The following NRXN3 variants were observed in gnomAD, a reference collection of about 807,000 sequenced individuals.
NRXN3 encodes neurexin 3.
A neutral mutation model predicts 137.6 loss-of-function variants in NRXN3; 32 were observed. That is an observed-to-expected ratio of 0.23 (90% CI 0.18 to 0.31). The LOEUF is 0.31. Among genes scored for constraint, NRXN3 ranks in the 10% least tolerant of loss-of-function variants. The pLI is 1.00. For missense variants in NRXN3, 1,574 were observed against 2,062.5 expected (o/e 0.76, Z 4.59); for synonymous variants, 798 against 784.5 (o/e 1.02, Z -0.29).
intron 16 of NRXN3, among the ~76,000 whole-genome samples, chr14:79,477,139 A>G (rs994085667): frequency 4.6e-5 from 7 of 151,826 alleles, no homozygotes; most frequent in African/African-American, 1.5e-4. Context: ...ATGTACATAG[A>G]TGGGATGGGA....
At chr14:79,036,927 G>A (rs1595208751) in intron 15 of NRXN3, among the ~76,000 whole-genome samples, 1 of 151,706 alleles carries the variant, frequency 6.6e-6, no homozygotes, top group Middle Eastern at 3.4e-3. Context: ...TCTCTTAGAG[G>A]GATAAAAATA....
chr14:79,542,447 TA>T, intron 16 of NRXN3, among the ~76,000 whole-genome samples: 1 of 152,298 alleles, frequency 6.6e-6, no homozygotes, highest in East Asian at 1.9e-4. Flanking sequence ...CATCCTTCTC[TA>T]GACTTAAATT....
chr14:78,907,859 T>C (rs148391459), intron 10 of NRXN3, among the ~76,000 whole-genome samples: 118 of 152,234 alleles, frequency 7.8e-4, no homozygotes, highest in African/African-American at 2.6e-3. Flanking sequence ...GTTCTCATCA[T>C]TTAACTCCCA....
intron 4 of NRXN3, among the ~76,000 whole-genome samples, chr14:78,388,497 A>G (rs1205644557): frequency 6.6e-6 from 1 of 152,232 alleles, no homozygotes; most frequent in Admixed American, 6.5e-5. Context: ...TTACTAAAGA[A>G]AGTAATTCAT....
At chr14:78,255,799 T>C (rs1329960628) in intron 2 of NRXN3, among the ~76,000 whole-genome samples, 2 of 152,254 alleles carry the variant, frequency 1.3e-5, no homozygotes, top group African/African-American at 4.8e-5. Flanking sequence ...AGGTTTTATA[T>C]GTGCACATAT....
chr14:79,434,430 A>G (rs1600230769), intron 15 of NRXN3, among the ~76,000 whole-genome samples: 1 of 152,172 alleles, frequency 6.6e-6, no homozygotes. Context: ...CTTCATGAAC[A>G]CCTGCCACCT....
chr14:78,677,595 A>T (rs1334287957), intron 6 of NRXN3, among the ~76,000 whole-genome samples: 1 of 152,202 alleles, frequency 6.6e-6, no homozygotes, highest in Non-Finnish European at 1.5e-5. Flanking sequence ...TGTTGAAACG[A>T]CAACAAAGGA....
chr14:79,073,408 A>C (rs11159395), intron 15 of NRXN3, among the ~76,000 whole-genome samples: 96,324 of 151,988 alleles, frequency 0.63, 30,870 homozygotes, highest in East Asian at 0.82. Flanking sequence ...CTTAAAGACA[A>C]ATTGGCATTT....
intron 2 of NRXN3, among the ~76,000 whole-genome samples, chr14:78,270,116 A>G (rs914959451): frequency 3.9e-5 from 6 of 152,152 alleles, no homozygotes; most frequent in African/African-American, 1.4e-4. Flanking sequence ...GCCTGAGCTC[A>G]TGTGTGCAAG....
chr14:79,780,007 T>C lies in NRXN3; in HGVS notation c.4015-25105T>C, dbSNP rs570302344. Among the ~76,000 whole-genome samples the C allele has an allele frequency of 3.9e-5, 6 of 152,162 alleles. No individual in the cohort carries two copies. The South Asian group carries it at 1.2e-3, about 32-fold the overall frequency. On this transcript the variant is annotated intron_variant, in intron 19 of 20. Transcript: ENST00000335750. The stretch of plus-strand genomic sequence containing the variant: ...AGCCTCCCAAAGTTCTGGGATTACA[T>C]GTGTGAGCCACCACGCCCACCCTTC...
chr14:79,667,279 G>C (rs752097593), intron 17 of NRXN3, among the ~76,000 whole-genome samples: 6 of 151,854 alleles, frequency 4.0e-5, no homozygotes, highest in African/African-American at 9.7e-5. Context: ...ATCATCAAGG[G>C]TTTAGTCTCA....
chr14:78,615,038 G>A (rs765012077), intron 4 of NRXN3: 1 of 456,526 alleles, frequency 2.2e-6, no homozygotes, highest in Non-Finnish European at 4.4e-6. Flanking sequence ...CGAAGGTAGG[G>A]ATGCTCCTCG....
At chr14:79,314,238 C>A (rs2087818138) in intron 15 of NRXN3, 1 of 134,714 alleles carries the variant, frequency 7.4e-6, no homozygotes, top group Admixed American at 7.6e-5. Flanking sequence ...CAGGGCGAGG[C>A]ATTGCCTCAC....
intron 15 of NRXN3, among the ~76,000 whole-genome samples, chr14:79,175,996 A>G (rs151316093): frequency 2.1e-4 from 32 of 152,312 alleles, no homozygotes; most frequent in African/African-American, 7.0e-4. Flanking sequence ...TGCTTCCTTT[A>G]GGAAGTTTAT....
At chr14:78,179,237 G>A (rs950546214) in intron 1 of NRXN3, among the ~76,000 whole-genome samples, 2 of 152,124 alleles carry the variant, frequency 1.3e-5, no homozygotes, top group African/African-American at 4.8e-5. Flanking sequence ...CAGGCAGGGA[G>A]GATGCACAGA....
At chr14:78,813,935 A>T (rs1230531250) in intron 10 of NRXN3, among the ~76,000 whole-genome samples, 1 of 152,174 alleles carries the variant, frequency 6.6e-6, no homozygotes, top group African/African-American at 2.4e-5. Context: ...TCCCAAGAAG[A>T]AAAGCAATTT....
At chr14:79,507,520 T>C (rs559720912) in intron 16 of NRXN3, among the ~76,000 whole-genome samples, 1 of 152,218 alleles carries the variant, frequency 6.6e-6, no homozygotes, top group African/African-American at 2.4e-5. Context: ...ATGCCTAGTC[T>C]CTGATTAATA....
intron 10 of NRXN3, among the ~76,000 whole-genome samples, chr14:78,924,950 C>G (rs564601172): frequency 6.6e-6 from 1 of 152,270 alleles, no homozygotes; most frequent in African/African-American, 2.4e-5. Context: ...CGAAAGAGTT[C>G]AGAGCTGAGT....
At chr14:78,702,797 G>T (rs190316301) in intron 6 of NRXN3, among the ~76,000 whole-genome samples, 46 of 152,156 alleles carry the variant, frequency 3.0e-4, no homozygotes, top group Admixed American at 1.3e-4. Context: ...ATTTATTCTG[G>T]CTTTTCTCAG....
Sources: gnomAD v4.1 joint callset for allele counts (sites outside exome capture counted in the v4.1 genomes callset) on GRCh38, gnomAD v4.1.1 for gene constraint, MANE v1.5 for transcripts, NCBI Gene and HGNC (gene_info 2026-07-23, HGNC 2026-07-21) for gene names.